The following UGT2A1 variants were observed in gnomAD, a reference collection of about 807,000 sequenced individuals.
The protein encoded by UGT2A1 is UDP glucuronosyltransferase family 2 member A1 complex locus, also known as UDP-glucuronosyltransferase 2A1.
UGT2A1 carries 61 observed loss-of-function variants against 45.4 expected under a neutral mutation model. That is an observed-to-expected ratio of 1.34 (90% CI 1.09 to 1.66). The LOEUF (loss-of-function observed/expected upper bound fraction) is 1.66. Ranked by LOEUF, UGT2A1 falls within the 40% of genes most tolerant of loss-of-function variation. The pLI is 0.00. For missense variants in UGT2A1, 649 were observed against 574.3 expected (o/e 1.13, Z -1.33); for synonymous variants, 229 against 196.2 (o/e 1.17, Z -1.40).
intron 3 of UGT2A1, among the ~76,000 whole-genome samples, chr4:69,613,826 T>G (rs1275188072): frequency 6.6e-6 from 1 of 151,868 alleles, no homozygotes; most frequent in Non-Finnish European, 1.5e-5. Context: ...GGAACATAGC[T>G]CAACATTATA....
intron 1 of UGT2A1, among the ~76,000 whole-genome samples, chr4:69,651,823 A>C (rs72853669): frequency 0.017 from 2,533 of 152,310 alleles, 64 homozygotes; most frequent in African/African-American, 0.058. Context: ...GCCTCAGATG[A>C]GCATATATAC....
intron 3 of UGT2A1, among the ~76,000 whole-genome samples, chr4:69,633,536 A>C (rs1013206732): frequency 1.3e-5 from 2 of 152,202 alleles, no homozygotes; most frequent in Non-Finnish European, 2.9e-5. Context: ...GCAAAACCAA[A>C]ATAGCCTAAA....
chr4:69,596,677 G>A (rs1030568368), intron 4 of UGT2A1, among the ~76,000 whole-genome samples: 6 of 151,988 alleles, frequency 3.9e-5, no homozygotes, highest in African/African-American at 1.4e-4. Flanking sequence ...TCATGCCATC[G>A]TGTCTGGCTG....
intron 1 of UGT2A1, among the ~76,000 whole-genome samples, chr4:69,648,556 AATTTC>A (rs1456494499): frequency 6.6e-6 from 1 of 151,982 alleles, no homozygotes; most frequent in Non-Finnish European, 1.5e-5. Context: ...TTAACACGTT[AATTTC>A]ATTTCTTCCT....
intron 3 of UGT2A1, among the ~76,000 whole-genome samples, chr4:69,626,153 T>A (rs771604736): frequency 3.9e-4 from 59 of 150,316 alleles, no homozygotes; most frequent in Non-Finnish European, 6.5e-4. Context: ...TACTGGGCTA[T>A]TTTTTTTTAA....
chr4:69,651,508 A>G (rs1215856284), intron 1 of UGT2A1, among the ~76,000 whole-genome samples: 1 of 152,190 alleles, frequency 6.6e-6, no homozygotes, highest in Admixed American at 6.5e-5. Flanking sequence ...AGCATACTCA[A>G]ATATTTTCAT....
intron 2 of UGT2A1, among the ~76,000 whole-genome samples, chr4:69,645,863 T>G (rs1039959353): frequency 1.3e-5 from 2 of 151,782 alleles, no homozygotes; most frequent in African/African-American, 4.8e-5. Flanking sequence ...AATACTAAAT[T>G]ATCAGAAATA....
At chr4:69,629,655 C>A (rs951902690) in intron 3 of UGT2A1, among the ~76,000 whole-genome samples, 7 of 152,038 alleles carry the variant, frequency 4.6e-5, no homozygotes, top group African/African-American at 1.7e-4. Context: ...CACCACATAT[C>A]ATTTCTAGGA....
At chr4:69,636,206 G>A (rs901543160) in intron 2 of UGT2A1, among the ~76,000 whole-genome samples, 4 of 152,052 alleles carry the variant, frequency 2.6e-5, no homozygotes, top group Non-Finnish European at 4.4e-5. Flanking sequence ...CAGAACTGAA[G>A]AACAACTATT....
Position 69,589,237 on chromosome 4 carries a change from G to T in UGT2A1, c.*135C>A. On this transcript the variant is annotated 3_prime_UTR_variant, in exon 7 of 7. Coordinates refer to ENST00000286604, the MANE Select transcript of UGT2A1 (RefSeq NM_001252275.3). ...GGCTTTATCAGTAGGCTTATCGCAG[G>T]TAGAGAAATAGAAAATTTGGAAACA... 1 of 1,156,556 alleles carries T rather than the reference G, an allele frequency of 8.6e-7. No individual in the cohort carries two copies. The highest frequency in any genetic ancestry group is 1.2e-6 in the Non-Finnish European group (1 of 858,380). 71.6% of individuals were successfully genotyped at this position (1,156,556 alleles called of 1,614,324 possible).
At chr4:69,630,338 C>T (rs1035253803) in intron 3 of UGT2A1, among the ~76,000 whole-genome samples, 1 of 151,972 alleles carries the variant, frequency 6.6e-6, no homozygotes, top group African/African-American at 2.4e-5. Flanking sequence ...TGCCATGCAG[C>T]GTCTTTACTC....
intron 2 of UGT2A1, among the ~76,000 whole-genome samples, chr4:69,637,827 T>C (rs1721798388): frequency 1.3e-5 from 2 of 151,594 alleles, no homozygotes; most frequent in South Asian, 2.1e-4. Flanking sequence ...TAGGTTGGCA[T>C]TCAACAAATA....
intron 3 of UGT2A1, among the ~76,000 whole-genome samples, chr4:69,627,162 T>C (rs928369472): frequency 1.3e-5 from 2 of 151,946 alleles, no homozygotes; most frequent in Admixed American, 1.3e-4. Context: ...TATCTATTTC[T>C]AAATAATTTT....
intron 3 of UGT2A1, among the ~76,000 whole-genome samples, chr4:69,626,989 C>T (rs1721097633): frequency 6.6e-6 from 1 of 151,678 alleles, no homozygotes; most frequent in African/African-American, 2.4e-5. Flanking sequence ...TAAAATTAAA[C>T]ACTTCTCCAG....
At chr4:69,598,660 C>T (rs1346067794) in intron 4 of UGT2A1, among the ~76,000 whole-genome samples, 5 of 151,978 alleles carry the variant, frequency 3.3e-5, no homozygotes, top group Admixed American at 1.3e-4. Context: ...CTTTTTGTTC[C>T]TTACAGTAAA....
intron 4 of UGT2A1, chr4:69,596,417 A>AAT (rs1672250237): frequency 1.4e-6 from 2 of 1,460,842 alleles, no homozygotes; most frequent in Middle Eastern, 3.7e-4. Flanking sequence ...ACAAAGGTGT[A>AAT]GCATCATAAG....
intron 3 of UGT2A1, among the ~76,000 whole-genome samples, chr4:69,612,094 C>T (rs528560741): frequency 2.1e-4 from 32 of 152,176 alleles, no homozygotes; most frequent in African/African-American, 7.2e-4. Context: ...ACACTAGCCT[C>T]AAAGCCTTCC....
At chr4:69,643,621 C>G (rs778318865) in intron 2 of UGT2A1, among the ~76,000 whole-genome samples, 1 of 151,424 alleles carries the variant, frequency 6.6e-6, no homozygotes, top group East Asian at 1.9e-4. Context: ...GAGCTAAATG[C>G]CCATGATCTG....
At chr4:69,618,186 CAT>C (rs1491388087) in intron 3 of UGT2A1, among the ~76,000 whole-genome samples, 90 of 51,164 alleles carry the variant, frequency 1.8e-3, no homozygotes, top group African/African-American at 5.9e-3. Context: ...GGCCAGTAAG[CAT>C]GTGTGTGTGT....
Sources: allele counts gnomAD v4.1 joint callset (sites outside exome capture counted in the v4.1 genomes callset), GRCh38; gene constraint gnomAD v4.1.1; transcripts MANE v1.5; gene names NCBI Gene and HGNC (gene_info 2026-07-23, HGNC 2026-07-21).